CTBP2: variants seen among roughly 807,000 people sequenced by gnomAD.
The protein encoded by CTBP2 is C-terminal-binding protein 2.
CTBP2 carries 30 observed loss-of-function variants against 80.3 expected under a neutral mutation model. The ratio of observed to expected loss-of-function variants is 0.37; its 90% CI spans 0.28 to 0.51. CTBP2 has a LOEUF of 0.51. Ranked by LOEUF, CTBP2 falls within the 20% of genes least tolerant of loss-of-function variation. The pLI, the probability that CTBP2 is intolerant of heterozygous loss-of-function variation, is 0.93. For synonymous variants in CTBP2, 594 were observed against 587.4 expected (o/e 1.01, Z -0.16); for missense variants, 1,212 against 1,375.3 (o/e 0.88, Z 1.88).
chr10:125,027,752 ACTGGCATTGG>A lies in CTBP2; in HGVS notation c.-3_7del, dbSNP rs1281713231. The A allele has an allele frequency of 6.3e-7, 1 of 1,579,510 alleles. No homozygotes were observed. The highest frequency in any genetic ancestry group is 8.6e-7 in the Non-Finnish European group (1 of 1,160,332). ...ACCAATATTTATATGCCTGCTGGGA[ACTGGCATTGG>A]AAAAAAAATGACTGCGGATGAGGCA... is the stretch of plus-strand genomic sequence containing the variant. On this transcript the variant is annotated start_lost and 5_prime_UTR_variant, in exon 1 of 9. Transcript: ENST00000309035.
chr10:125,025,137 C>T (rs1431359114), intron 1 of CTBP2, among the ~76,000 whole-genome samples: 1 of 131,408 alleles, frequency 7.6e-6, no homozygotes, highest in Non-Finnish European at 1.7e-5. Flanking sequence ...TTTTCACAAG[C>T]TATTCAGGAA....
intron 1 of CTBP2, among the ~76,000 whole-genome samples, chr10:125,010,163 T>G (rs1955709241): frequency 6.9e-6 from 1 of 145,522 alleles, no homozygotes. Flanking sequence ...GGGAGCAGCT[T>G]CAAGGCATAA....
chr10:125,005,053 C>T (rs765709339), intron 1 of CTBP2, among the ~76,000 whole-genome samples: 16 of 152,168 alleles, frequency 1.1e-4, no homozygotes, highest in African/African-American at 1.9e-4. Flanking sequence ...CGCTCGGAGA[C>T]GAGGAAGGAA....
chr10:125,004,287 C>T (rs971918965), intron 1 of CTBP2, among the ~76,000 whole-genome samples: 3 of 152,338 alleles, frequency 2.0e-5, no homozygotes, highest in Admixed American at 6.5e-5. Flanking sequence ...ACCTGCCACA[C>T]TACAGACGCG....
chr10:125,021,712 G>C (rs556002877), intron 1 of CTBP2, among the ~76,000 whole-genome samples: 1 of 152,370 alleles, frequency 6.6e-6, no homozygotes, highest in East Asian at 1.9e-4. Context: ...CAGAGGCACA[G>C]AGGCCAGTAG....
At chr10:125,137,757 TC>T (rs1221938123) in intron 1 of CTBP2, among the ~76,000 whole-genome samples, 33 of 152,354 alleles carry the variant, frequency 2.2e-4, no homozygotes, top group East Asian at 1.9e-3. Flanking sequence ...TCTGCCAGCC[TC>T]TAGCAATCAC....
chr10:125,004,336 G>A (rs1954950515), intron 1 of CTBP2, among the ~76,000 whole-genome samples: 1 of 152,232 alleles, frequency 6.6e-6, no homozygotes, highest in South Asian at 2.1e-4. Context: ...CAGACACCCT[G>A]CGGGGCCCGC....
intron 4 of CTBP2, 53 bp from the exon 7 acceptor site, chr10:124,994,736 G>A (rs555294661): frequency 1.1e-5 from 17 of 1,561,194 alleles, no homozygotes; most frequent in Admixed American, 8.4e-5. Context: ...GCGCCCCAGC[G>A]CTGCCACCTC....
intron 1 of CTBP2, among the ~76,000 whole-genome samples, chr10:125,149,265 C>T (rs925863316): frequency 6.6e-6 from 1 of 152,220 alleles, no homozygotes; most frequent in South Asian, 2.1e-4. Context: ...GCAACAGCCT[C>T]TGAGAAAGCA....
intron 1 of CTBP2, among the ~76,000 whole-genome samples, chr10:125,021,166 C>T (rs1316822603): frequency 6.6e-6 from 1 of 152,114 alleles, no homozygotes; most frequent in Admixed American, 6.5e-5. Flanking sequence ...TGAGAAGAGG[C>T]CAAGGGTCAA....
chr10:125,080,636 G>A (rs1346535404), intron 2 of CTBP2, among the ~76,000 whole-genome samples: 1 of 152,170 alleles, frequency 6.6e-6, no homozygotes, highest in African/African-American at 2.4e-5. Flanking sequence ...TAAAAAGGGG[G>A]AAAAATAGTC....
intron 1 of CTBP2, among the ~76,000 whole-genome samples, chr10:125,017,213 G>A (rs763577881): frequency 6.6e-6 from 1 of 152,242 alleles, no homozygotes; most frequent in Non-Finnish European, 1.5e-5. Flanking sequence ...ACACGCAGGA[G>A]GCTGTCGACG....
chr10:125,077,008 C>T (rs35244319), intron 2 of CTBP2, among the ~76,000 whole-genome samples: 22,844 of 152,154 alleles, frequency 0.15, 1,806 homozygotes, highest in Middle Eastern at 0.24. Context: ...CTTCCTGTAG[C>T]GAACGCACAG....
intron 2 of CTBP2, among the ~76,000 whole-genome samples, chr10:125,065,242 G>A (rs2135393969): frequency 6.6e-6 from 1 of 152,250 alleles, no homozygotes; most frequent in Admixed American, 6.5e-5. Flanking sequence ...AGATCCAAAT[G>A]GAAGTCTTGC....
intron 1 of CTBP2, among the ~76,000 whole-genome samples, chr10:125,013,815 G>A (rs968944063): frequency 2.0e-5 from 3 of 152,196 alleles, no homozygotes; most frequent in African/African-American, 4.8e-5. Flanking sequence ...CCACCTGCTG[G>A]ATTGGTTCAA....
At chr10:125,159,986 G>A (rs1207999930) in intron 1 of CTBP2, 4 of 150,208 alleles carry the variant, frequency 2.7e-5, no homozygotes, top group Non-Finnish European at 4.5e-5. Context: ...ACCCTGATGG[G>A]AAGGAAGGTG....
intron 1 of CTBP2, among the ~76,000 whole-genome samples, chr10:125,130,866 C>A (rs1856053743): frequency 6.6e-6 from 1 of 152,230 alleles, no homozygotes; most frequent in Non-Finnish European, 1.5e-5. Context: ...GGGAGGCACC[C>A]TGCCACCCAG....
At chr10:125,152,006 G>C (rs573648325) in intron 1 of CTBP2, among the ~76,000 whole-genome samples, 3 of 152,144 alleles carry the variant, frequency 2.0e-5, no homozygotes, top group African/African-American at 4.8e-5. Flanking sequence ...AAGGCGAGGC[G>C]CGAGGTGGGG....
chr10:125,090,765 T>A (rs1254705), intron 2 of CTBP2, among the ~76,000 whole-genome samples: 11,330 of 149,160 alleles, frequency 0.076, 1,406 homozygotes, highest in African/African-American at 0.26. Flanking sequence ...AAAAAAAAAA[T>A]AAATAAATAA....
Sources: allele counts gnomAD v4.1 joint callset (sites outside exome capture counted in the v4.1 genomes callset), GRCh38; gene constraint gnomAD v4.1.1; transcripts MANE v1.5; gene names NCBI Gene and HGNC (gene_info 2026-07-23, HGNC 2026-07-21).